Variants in BBS9 observed in about 807,000 individuals in gnomAD.
BBS9 encodes protein PTHB1.
In BBS9, 89 loss-of-function variants were observed where a neutral mutation model predicts 117.7. That is an observed-to-expected ratio of 0.76 (90% CI 0.64 to 0.90). The LOEUF is 0.90. BBS9 is among the 40% of genes least tolerant of loss of function. The pLI is 0.00. For synonymous variants in BBS9, 379 were observed against 370.9 expected, an observed-to-expected ratio of 1.02 and a Z score of -0.25; for missense variants, 982 against 1,042.2, an observed-to-expected ratio of 0.94 and a Z score of 0.80.
chr7:33,392,438 C>G (rs1042011583), intron 19 of BBS9, among the ~76,000 whole-genome samples: 2 of 152,252 alleles, frequency 1.3e-5, no homozygotes, highest in Non-Finnish European at 2.9e-5. Flanking sequence ...CTCTCATGGC[C>G]CAGCAGGCTA....
At chr7:33,197,637 A>T (rs1012173386) in intron 5 of BBS9, among the ~76,000 whole-genome samples, 2 of 152,010 alleles carry the variant, frequency 1.3e-5, no homozygotes, top group Admixed American at 6.6e-5. Flanking sequence ...TATAGGATAT[A>T]CTAGATATAT....
intron 5 of BBS9, among the ~76,000 whole-genome samples, chr7:33,230,013 T>A (rs567614090): frequency 6.6e-6 from 1 of 152,326 alleles, no homozygotes; most frequent in South Asian, 2.1e-4. Flanking sequence ...TGATTAATGA[T>A]GTTGAGCACC....
chr7:33,408,199 C>T (rs1584707711), intron 19 of BBS9, among the ~76,000 whole-genome samples: 1 of 152,076 alleles, frequency 6.6e-6, no homozygotes, highest in Non-Finnish European at 1.5e-5. Context: ...GACTGCTGTG[C>T]TAGCAATCAG....
chr7:33,274,014 G>A, intron 9 of BBS9, 58 bp downstream of exon 9: 1 of 1,562,012 alleles, frequency 6.4e-7, no homozygotes, highest in Non-Finnish European at 8.8e-7. Flanking sequence ...AAATTTTCTA[G>A]AAGTTCTATG....
chr7:33,498,124 A>G (rs1057131367), intron 19 of BBS9, among the ~76,000 whole-genome samples: 2 of 152,180 alleles, frequency 1.3e-5, no homozygotes, highest in African/African-American at 4.8e-5. Flanking sequence ...TCTACAACTA[A>G]TAAGTAGCAT....
chr7:33,571,410 G>C (rs1044973820), intron 21 of BBS9, among the ~76,000 whole-genome samples: 1 of 151,932 alleles, frequency 6.6e-6, no homozygotes, highest in Non-Finnish European at 1.5e-5. Flanking sequence ...GAGGACAACT[G>C]GAAAACATAA....
intron 20 of BBS9, among the ~76,000 whole-genome samples, chr7:33,507,832 G>A (rs1846364095): frequency 6.6e-6 from 1 of 152,220 alleles, no homozygotes; most frequent in Non-Finnish European, 1.5e-5. Context: ...TGTTCAAAAA[G>A]TAGGGGAAGA....
intron 9 of BBS9, among the ~76,000 whole-genome samples, chr7:33,283,520 T>G (rs979158991): frequency 6.6e-6 from 1 of 152,142 alleles, no homozygotes; most frequent in Non-Finnish European, 1.5e-5. Context: ...TTTATTCTAG[T>G]TATTGCTTCT....
chr7:33,521,232 G>C (rs1358550364), intron 20 of BBS9, among the ~76,000 whole-genome samples: 3 of 152,196 alleles, frequency 2.0e-5, no homozygotes, highest in Non-Finnish European at 4.4e-5. Flanking sequence ...AAATAGAAAT[G>C]TTCCTGGCAA....
At chr7:33,256,608 T>G (rs992581852) in intron 5 of BBS9, among the ~76,000 whole-genome samples, 2 of 152,192 alleles carry the variant, frequency 1.3e-5, no homozygotes, top group Admixed American at 6.5e-5. Context: ...TGATTTCTTT[T>G]TGAGCACTCT....
chr7:33,320,617 T>G (rs1562991538), intron 9 of BBS9, among the ~76,000 whole-genome samples: 1 of 152,308 alleles, frequency 6.6e-6, no homozygotes, highest in East Asian at 1.9e-4. Context: ...GGAGTGGGAT[T>G]GCTAGATCAT....
intron 19 of BBS9, among the ~76,000 whole-genome samples, chr7:33,493,155 C>T (rs535545165): frequency 5.3e-5 from 8 of 152,100 alleles, no homozygotes; most frequent in African/African-American, 1.4e-4. Flanking sequence ...CCACTATGCC[C>T]GGCTAATTTT....
intron 5 of BBS9, among the ~76,000 whole-genome samples, chr7:33,198,262 T>G (rs1415989042): frequency 1.3e-5 from 2 of 152,024 alleles, no homozygotes; most frequent in Non-Finnish European, 2.9e-5. Flanking sequence ...TTTAGGAGAC[T>G]GTGAACATAA....
intron 5 of BBS9, among the ~76,000 whole-genome samples, chr7:33,222,000 T>C (rs1790341111): frequency 6.6e-6 from 1 of 152,222 alleles, no homozygotes; most frequent in Non-Finnish European, 1.5e-5. Context: ...AATACTGTTA[T>C]ATATACACAC....
At chr7:33,417,359 A>G (rs6949988) in intron 19 of BBS9, among the ~76,000 whole-genome samples, 17 of 152,268 alleles carry the variant, frequency 1.1e-4, no homozygotes, top group Non-Finnish European at 2.2e-4. Context: ...TACTTTTGGA[A>G]TGTTATAATT....
chr7:33,586,088 A>G (rs537163453), intron 21 of BBS9, among the ~76,000 whole-genome samples: 2 of 152,228 alleles, frequency 1.3e-5, no homozygotes, highest in East Asian at 3.9e-4. Context: ...ATGAAGAAAT[A>G]GAAACTCAAA....
chr7:33,619,461 T>C (rs1865298678), intron 21 of BBS9, among the ~76,000 whole-genome samples: 1 of 151,810 alleles, frequency 6.6e-6, no homozygotes, highest in African/African-American at 2.4e-5. Context: ...AGGCAGAAAA[T>C]CAATAAGAAA....
Position 33,383,673 on chromosome 7 carries a change from T to C in BBS9, c.1797T>C (p.Tyr599=). ...TVLASKTSQR[Y]RIQSEQFEDL... ...TTAATTTTTTTCTCTCAGAACGATATCGCATTCAGAGTGAACAATTTGAAG... is the reference window on the plus strand; with the variant it reads ...TTAATTTTTTTCTCTCAGAACGATACCGCATTCAGAGTGAACAATTTGAAG... Residue 599 remains tyrosine (Y), a synonymous_variant, in exon 18 of 23, where the codon TAT becomes TAC. Transcript: ENST00000242067. 6.2e-7 allele frequency: 1 copy of C among 1,605,824 alleles called. No individual in the cohort carries two copies.
chr7:33,340,832 A>G (rs1008902902), intron 10 of BBS9, 65 bp from the exon 11 acceptor site: 79 of 1,438,170 alleles, frequency 5.5e-5, no homozygotes, highest in Non-Finnish European at 7.4e-5. Context: ...CAAACCTTTA[A>G]AGAAAAACTA....
Sources: allele counts gnomAD v4.1 joint callset (sites outside exome capture counted in the v4.1 genomes callset), GRCh38; gene constraint gnomAD v4.1.1; transcripts MANE v1.5; gene names NCBI Gene and HGNC (gene_info 2026-07-23, HGNC 2026-07-21).